BRD4: variants seen among roughly 807,000 people sequenced by gnomAD.
The protein encoded by BRD4 is bromodomain-containing protein 4.
In BRD4, 16 loss-of-function variants were observed where a neutral mutation model predicts 142.1. The observed-to-expected ratio is 0.11, with a 90% confidence interval of 0.08 to 0.17. BRD4 has a LOEUF of 0.17. BRD4 is among the 10% of genes least tolerant of loss of function. The pLI is 1.00. For synonymous variants in BRD4, 833 were observed against 707.5 expected (o/e 1.18, Z -2.82); for missense variants, 1,424 against 1,810.9 (o/e 0.79, Z 3.88).
In BRD4 at chr19:15,246,292, G is replaced by A. The variant is rs2047285546; in HGVS notation, c.2159-1530C>T. On this transcript the variant is annotated intron_variant, in intron 11 of 19. Coordinates refer to ENST00000679869, the MANE Select transcript of BRD4 (RefSeq NM_001379291.1). The stretch of plus-strand genomic sequence containing the variant: ...GACTGCTGTGGTGGTGGGGGGAGGA[G>A]CGCTGGCTGCAGAGGTTGGCAGCCA... 2.0e-5 allele frequency among the ~76,000 whole-genome samples: 3 copies of A among 152,254 alleles called. 1 individual carries two copies.
chr19:15,268,544 C>A (rs1241610252), intron 3 of BRD4, among the ~76,000 whole-genome samples: 1 of 152,152 alleles, frequency 6.6e-6, no homozygotes, highest in Admixed American at 6.5e-5. Flanking sequence ...CAGGCTCTTT[C>A]CTAACAATTT....
chr19:15,237,215 C>A lies in BRD4; in HGVS notation c.*1162G>T. The A allele has an allele frequency of 6.5e-6, 1 of 152,992 alleles. No individual in the cohort carries two copies. 9.5% of individuals were successfully genotyped at this position (152,992 alleles called of 1,614,324 possible). ...AAAAAAACCAACTCAACAGATCTGACATTAAAAAACAAAAAAGCCAACAAA... is the reference window on the plus strand; with the variant it reads ...AAAAAAACCAACTCAACAGATCTGAAATTAAAAAACAAAAAAGCCAACAAA... On this transcript the variant is annotated 3_prime_UTR_variant, in exon 20 of 20. Transcript: ENST00000679869.
chr19:15,286,217 G>A (rs573099213), intron 1 of BRD4, among the ~76,000 whole-genome samples: 34 of 152,224 alleles, frequency 2.2e-4, no homozygotes, highest in Non-Finnish European at 3.1e-4. Flanking sequence ...CCTCCACCCC[G>A]AGCAGATGAG....
intron 14 of BRD4, among the ~76,000 whole-genome samples, chr19:15,241,354 G>A (rs1201767176): frequency 1.3e-5 from 2 of 152,248 alleles, no homozygotes; most frequent in Non-Finnish European, 2.9e-5. Flanking sequence ...AGGGGCTGTG[G>A]TTTATAGAAA....
At chr19:15,253,724 G>T in intron 11 of BRD4, 1 of 1,598,410 alleles carries the variant, frequency 6.3e-7, no homozygotes, top group Non-Finnish European at 8.5e-7. Flanking sequence ...CGGCCGCACT[G>T]CACGTGACTG....
At chr19:15,248,279 C>T (rs528372096) in intron 11 of BRD4, 5 of 216,710 alleles carry the variant, frequency 2.3e-5, no homozygotes, top group South Asian at 1.9e-4. Context: ...CTGCCCCAAC[C>T]CCAGGGGCTG....
chr19:15,281,065 T>C (rs1016331925), intron 1 of BRD4, among the ~76,000 whole-genome samples: 1 of 152,198 alleles, frequency 6.6e-6, no homozygotes, highest in Non-Finnish European at 1.5e-5. Flanking sequence ...GAAGCACAAA[T>C]AGGATTACTT....
chr19:15,314,132 C>CT (rs929227215), intron 1 of BRD4, among the ~76,000 whole-genome samples: 8 of 152,214 alleles, frequency 5.3e-5, no homozygotes, highest in African/African-American at 1.9e-4. Flanking sequence ...TGTGCTTGAA[C>CT]TTTCGTTCGC....
At chr19:15,273,229 A>G (rs1035942668) in intron 1 of BRD4, 96 bp from the exon 2 acceptor site, 2 of 1,307,140 alleles carry the variant, frequency 1.5e-6, no homozygotes, top group Admixed American at 2.4e-5. Context: ...CCAAGGACTG[A>G]GTTCCCTGGC....
rs750300459 is a variant in BRD4 at position 15,273,086 on chromosome 19, C to T, written c.14G>A (p.Ser5Asn). 53 of 1,596,888 alleles carry T rather than the reference C, an allele frequency of 3.3e-5. No individual in the cohort carries two copies. The highest frequency in any genetic ancestry group is 4.4e-5 in the Non-Finnish European group (52 of 1,170,324). Residue 5 changes from serine (S) to asparagine (N), a missense_variant, in exon 2 of 20, where the codon AGC becomes AAC. By Grantham distance (46) the Ser-to-Asn change is conservative. This residue lies in a region of BRD4 where 70 missense variants were observed against 69.8 expected (regional missense o/e 1.00). Transcript: ENST00000679869. The stretch of plus-strand genomic sequence containing the variant: ...ATTTCTCAATCTCGTCCCAGGGCCG[C>T]TCTCCGCAGACATGCTAGTGATCCC... MSAE[S>N]GPGTRLRNLP...
At position 15,292,628 on chromosome 19, in the gene BRD4, A is replaced by C. The variant is rs368787089; in HGVS notation, c.-34-19495T>G. Among the ~76,000 whole-genome samples, 74 of 152,002 alleles carry C rather than the reference A, an allele frequency of 4.9e-4. 1 individual carries two copies. The East Asian group carries it at 0.013, about 27-fold the overall frequency. On this transcript the variant is annotated intron_variant, in intron 1 of 19. Coordinates refer to ENST00000679869, the MANE Select transcript of BRD4 (RefSeq NM_001379291.1). ...CCCGTCTGTACTAAAAATACAAAAAATTAGCTGGGCGTGGTGGCGGGCACC... is the reference window on the plus strand; with the variant it reads ...CCCGTCTGTACTAAAAATACAAAAACTTAGCTGGGCGTGGTGGCGGGCACC...
In BRD4 at chr19:15,263,538, T is replaced by C; in HGVS notation, c.1223A>G (p.Glu408Gly). 1 of 1,614,188 alleles carries C rather than the reference T, an allele frequency of 6.2e-7. No individual in the cohort carries two copies. The highest frequency in any genetic ancestry group is 8.5e-7 in the Non-Finnish European group (1 of 1,180,014). ...CTGAGCATCACGGTACTCACGGGCC[T>C]CCAGTTTAGACTGGAAAACAAGACA... ...MDMSTIKSKLEAREYRDAQEF... is the reference protein window; with the variant it reads ...MDMSTIKSKLGAREYRDAQEF... The change falls in exon 7 of 20, where the codon GAG (glutamate) becomes GGG (glycine). Residue 408 changes from glutamate (E) to glycine (G), a missense_variant. Transcript: ENST00000679869.
chr19:15,274,690 G>A (rs905057869), intron 1 of BRD4, among the ~76,000 whole-genome samples: 1 of 152,192 alleles, frequency 6.6e-6, no homozygotes, highest in Non-Finnish European at 1.5e-5. Context: ...ATGCCCTTGA[G>A]GCAAGATGAG....
At chr19:15,260,405 G>A (rs893258899) in intron 7 of BRD4, among the ~76,000 whole-genome samples, 1 of 152,194 alleles carries the variant, frequency 6.6e-6, no homozygotes, top group Non-Finnish European at 1.5e-5. Flanking sequence ...TCTACCTGCT[G>A]ATGCAGAGAA....
At chr19:15,267,232 C>T (rs1374091750) in intron 4 of BRD4, among the ~76,000 whole-genome samples, 184 bp downstream of exon 4, 1 of 152,120 alleles carries the variant, frequency 6.6e-6, no homozygotes, top group Admixed American at 6.5e-5. Flanking sequence ...TTAGAAGAGG[C>T]CACAGGGCCA....
chr19:15,331,964 C>T (rs1268378171), intron 1 of BRD4: 1 of 137,052 alleles, frequency 7.3e-6, no homozygotes, highest in Non-Finnish European at 1.6e-5. Context: ...CCCCGACCGC[C>T]GGCCCCGCCG....
intron 1 of BRD4, among the ~76,000 whole-genome samples, chr19:15,300,811 A>C (rs2047860959): frequency 6.6e-6 from 1 of 152,302 alleles, no homozygotes; most frequent in African/African-American, 2.4e-5. Context: ...GCAACGACTA[A>C]AACTCTCATC....
intron 11 of BRD4, chr19:15,249,205 A>G: frequency 6.2e-7 from 1 of 1,612,610 alleles, no homozygotes; most frequent in Non-Finnish European, 8.5e-7. Context: ...ACGGAAGAAA[A>G]TGGACTTAAG....
intron 1 of BRD4, among the ~76,000 whole-genome samples, chr19:15,310,357 TTCCCCCCCCCCCC>T (rs1476387299): frequency 1.9e-5 from 1 of 51,308 alleles, no homozygotes; most frequent in Non-Finnish European, 4.4e-5. Context: ...GATTTTTGGA[TTCCCCCCCCCCCC>T]CCCCCCCCCC....
Sources: allele counts gnomAD v4.1 joint callset (sites outside exome capture counted in the v4.1 genomes callset), GRCh38; gene constraint gnomAD v4.1.1; regional missense constraint gnomAD v4.1.1; transcripts MANE v1.5; gene names NCBI Gene and HGNC (gene_info 2026-07-23, HGNC 2026-07-21).